Variants in UBA2 observed in about 807,000 individuals in gnomAD.
UBA2 encodes the protein SUMO-activating enzyme subunit 2.
Under a neutral mutation model 77.2 loss-of-function variants are expected in UBA2, and 11 were observed. The ratio of observed to expected loss-of-function variants is 0.14; its 90% confidence interval spans 0.09 to 0.24. UBA2 has a LOEUF of 0.24. Among genes scored for constraint, UBA2 ranks in the 10% least tolerant of loss-of-function variants. The probability of loss-of-function intolerance (pLI) is 1.00; values close to 1 mark genes in which losing one functional copy is unlikely to be tolerated. For synonymous variants in UBA2, 278 were observed against 276.7 expected (o/e 1.00, Z -0.05); for missense variants, 487 against 781.7 (o/e 0.62, Z 4.50).
intron 11 of UBA2, 25 bp from the exon 12 acceptor site, chr19:34,454,419 A>C: frequency 6.4e-7 from 1 of 1,561,364 alleles, no homozygotes; most frequent in Admixed American, 1.9e-5. Context: ...AGTGAAACAT[A>C]CTCATCCTTT....
rs2075535114 is a variant in UBA2, at chr19:34,454,342, T to A, written c.1121T>A (p.Phe374Tyr). 1.2e-6 allele frequency: 2 copies of A among 1,610,970 alleles called. No individual in the cohort carries two copies. The highest frequency in any genetic ancestry group is 2.7e-5 in the African/African-American group (2 of 74,776). ...HIFSMNMKSR[F>Y]DIKSMAGNII... ...TTCAGTATGAATATGAAGAGTAGAT[T>A]TGATATCAAATGTAAGTTATTTGTA... Residue 374 changes from phenylalanine (F) to tyrosine (Y), a missense_variant, in exon 11 of 17, where the codon TTT becomes TAT. Coordinates refer to ENST00000246548, the MANE Select transcript of UBA2 (RefSeq NM_005499.3).
intron 14 of UBA2, among the ~76,000 whole-genome samples, chr19:34,462,513 G>A (rs1271936128): frequency 6.6e-6 from 1 of 152,144 alleles, no homozygotes; most frequent in East Asian, 1.9e-4. Context: ...AGATTAAAAT[G>A]GTAAAGCAAG....
intron 15 of UBA2, among the ~76,000 whole-genome samples, chr19:34,466,239 CAGA>C (rs1181621075): frequency 2.0e-5 from 3 of 151,964 alleles, no homozygotes; most frequent in African/African-American, 7.3e-5. Context: ...GAGGCTGAGG[CAGA>C]AGAATAGCTT....
At chr19:34,457,336 C>T (rs1333858054) in intron 12 of UBA2, among the ~76,000 whole-genome samples, 1 of 150,996 alleles carries the variant, frequency 6.6e-6, no homozygotes, top group South Asian at 2.1e-4. Flanking sequence ...CATTGCACTC[C>T]AGCCTGGCAA....
chr19:34,441,136 G>A (rs2075364446), intron 6 of UBA2, among the ~76,000 whole-genome samples: 1 of 152,218 alleles, frequency 6.6e-6, no homozygotes, highest in African/African-American at 2.4e-5. Flanking sequence ...GGCCTTTCAT[G>A]ATGAAAGTTT....
intron 1 of UBA2, chr19:34,428,820 G>A (rs1012808307): frequency 9.6e-6 from 11 of 1,150,916 alleles, no homozygotes; most frequent in African/African-American, 6.4e-5. Flanking sequence ...CCGCCTCCCC[G>A]GCAGCGCCAA....
intron 9 of UBA2, among the ~76,000 whole-genome samples, chr19:34,450,742 C>CTTTTTTTTTT (rs59580124): frequency 2.2e-4 from 18 of 83,432 alleles, no homozygotes; most frequent in African/African-American, 2.6e-4. Flanking sequence ...TTATGTATAT[C>CTTTTTTTTTT]TTTTTTTTTT....
chr19:34,428,580 G>A lies in UBA2; in HGVS notation c.138+10G>A. ...CTCCCACATCGACCTGGTGAGGGCC[G>A]GGCGCGCGCGCGTGAATGGCGGGCT... is the stretch of plus-strand genomic sequence containing the variant. On this transcript the variant is annotated intron_variant, in intron 1 of 16. Transcript: ENST00000246548. The A allele has an allele frequency of 7.6e-6, 10 of 1,307,278 alleles. No individual in the cohort carries two copies. Among genetic ancestry groups the A allele is most frequent in the Non-Finnish European group, 8.8e-6 (9 of 1,019,594 alleles). 81.0% of individuals were successfully genotyped at this position (1,307,278 alleles called of 1,614,324 possible).
intron 13 of UBA2, among the ~76,000 whole-genome samples, 161 bp downstream of exon 13, chr19:34,459,085 CTG>C (rs1568382964): frequency 6.6e-6 from 1 of 152,182 alleles, no homozygotes; most frequent in Non-Finnish European, 1.5e-5. Flanking sequence ...GCTTTTCTGT[CTG>C]TGGTTCCAGA....
chr19:34,449,093 C>CT (rs1444815383), intron 8 of UBA2, among the ~76,000 whole-genome samples: 22 of 99,908 alleles, frequency 2.2e-4, no homozygotes, highest in Non-Finnish European at 3.1e-4. Flanking sequence ...TTTTTTGAGA[C>CT]TGAGTCTCAC....
chr19:34,443,111 A>G (rs2075388592), intron 6 of UBA2, among the ~76,000 whole-genome samples: 1 of 152,220 alleles, frequency 6.6e-6, no homozygotes, highest in South Asian at 2.1e-4. Context: ...ACCATGAAAA[A>G]AAGTTAATCT....
At position 34,456,100 on chromosome 19, in the gene UBA2, CTTTTTCTTTTTTT is replaced by C. The variant is rs1471422336; in HGVS notation, c.1245+1550_1245+1562del. On this transcript the variant is annotated intron_variant, in intron 12 of 16. Transcript: ENST00000246548. ...CCCGATGCGCTCTTTTTTTCCTTTTCTTTTTCTTTTTTTTTTTTTTTTTTGAGGTGGAATCTTG... is the reference window on the plus strand; with the variant it reads ...CCCGATGCGCTCTTTTTTTCCTTTTCTTTTTTTTTTTGAGGTGGAATCTTG... 5.4e-5 allele frequency among the ~76,000 whole-genome samples: 3 copies of C among 55,782 alleles called. 1 individual carries two copies. The Admixed American group carries it at 8.4e-4, about 16-fold the overall frequency. The allele number at this position is 55,782 out of a possible 152,430, so 36.6% of individuals were successfully genotyped here.
Position 34,456,100 on chromosome 19 carries a change from CTTTTTCTTTT to C in UBA2, c.1245+1550_1245+1559del, listed in dbSNP as rs751532872. On this transcript the variant is annotated intron_variant, in intron 12 of 16. Coordinates refer to ENST00000246548, the MANE Select transcript of UBA2 (RefSeq NM_005499.3). ...CCCGATGCGCTCTTTTTTTCCTTTT[CTTTTTCTTTT>C]TTTTTTTTTTTTTTGAGGTGGAATC... Among the ~76,000 whole-genome samples, 37 of 55,786 alleles carry C rather than the reference CTTTTTCTTTT, an allele frequency of 6.6e-4. 2 individuals are homozygous for C. The highest frequency in any genetic ancestry group is 2.2e-3 in the Admixed American group (8 of 3,592). 36.6% of individuals were successfully genotyped at this position (55,786 alleles called of 152,430 possible). A position where few individuals can be genotyped will look rare whatever the true frequency, so the allele number is the denominator to read the frequency against.
chr19:34,438,936 C>T (rs190311726), intron 6 of UBA2, among the ~76,000 whole-genome samples, 170 bp downstream of exon 6: 1 of 152,176 alleles, frequency 6.6e-6, no homozygotes, highest in East Asian at 1.9e-4. Context: ...TGGCCGGGTG[C>T]GGTGGCTCAC....
intron 6 of UBA2, 102 bp downstream of exon 6, chr19:34,438,868 A>G (rs1258511512): frequency 4.8e-6 from 7 of 1,457,196 alleles, no homozygotes; most frequent in Admixed American, 2.0e-5. Flanking sequence ...GGATGTTTAA[A>G]TATGGTGAAG....
chr19:34,448,366 G>A (rs573407782), intron 8 of UBA2, among the ~76,000 whole-genome samples: 1 of 152,188 alleles, frequency 6.6e-6, no homozygotes, highest in Non-Finnish European at 1.5e-5. Flanking sequence ...AGGCTGAGGC[G>A]GGAGGATCAC....
In UBA2 at chr19:34,438,685, A is replaced by G. The variant is rs373852960; in HGVS notation, c.500A>G (p.Gln167Arg). Residue 167 changes from glutamine to arginine, a missense_variant, in exon 6 of 17, where the codon CAG (glutamine) becomes CGG (arginine). Transcript: ENST00000246548. Reference sequence around the variant, plus strand: ...TATGAGTGTCATCCTAAGCCGACCCAGAGAACCTTTCCTGGCTGTACAATT... The same window carrying G: ...TATGAGTGTCATCCTAAGCCGACCCGGAGAACCTTTCCTGGCTGTACAATT... ...ECYECHPKPTQRTFPGCTIRN... is the reference protein window; with the variant it reads ...ECYECHPKPTRRTFPGCTIRN... The G allele has an allele frequency of 8.2e-5, 133 of 1,614,098 alleles. No individual in the cohort carries two copies. The highest frequency in any genetic ancestry group is 1.1e-4 in the Non-Finnish European group (130 of 1,180,048).
In UBA2 at chr19:34,445,017, G is replaced by A. The variant is rs768723380; in HGVS notation, c.667G>A (p.Glu223Lys). Residue 223 changes from glutamate to lysine, a missense_variant, in exon 8 of 17, where the codon GAA (glutamate) becomes AAA (lysine). Physicochemically the swap from Glu to Lys is moderately conservative, Grantham distance 56. Around this residue, in one of 9 missense-constraint regions of UBA2, gnomAD observed 300 missense variants for 454.3 expected, o/e 0.66. Coordinates refer to ENST00000246548, the MANE Select transcript of UBA2 (RefSeq NM_005499.3). ...TTTTATAGGGGAACCAACGGAAGCC[G>A]AAGCCAGAGCTAGAGCATCTAATGA... ...PEAAWEPTEA[E>K]ARARASNEDG... 6.2e-6 allele frequency: 10 copies of A among 1,612,302 alleles called. No homozygotes were observed. Among genetic ancestry groups the A allele is most frequent in the East Asian group, 2.2e-5 (1 of 44,838 alleles).
intron 5 of UBA2, among the ~76,000 whole-genome samples, chr19:34,437,764 A>G (rs1183101238): frequency 2.6e-5 from 4 of 152,020 alleles, no homozygotes; most frequent in East Asian, 2.0e-4. Flanking sequence ...ATGTGTATCA[A>G]TAAAATGGGC....
Sources: gnomAD v4.1 joint callset for allele counts (sites outside exome capture counted in the v4.1 genomes callset) on GRCh38, gnomAD v4.1.1 for gene constraint, gnomAD v4.1.1 regional missense constraint, MANE v1.5 for transcripts, NCBI Gene and HGNC (gene_info 2026-07-23, HGNC 2026-07-21) for gene names.